The following CTNND2 variants were observed in gnomAD, a reference collection of about 807,000 sequenced individuals.
CTNND2 encodes catenin delta-2.
A neutral mutation model predicts 144.4 loss-of-function variants in CTNND2; 22 were observed. The ratio of observed to expected loss-of-function variants is 0.15; its 90% CI spans 0.11 to 0.22. The LOEUF is 0.22. CTNND2 is among the 10% of genes least tolerant of loss of function. The pLI is 1.00. For synonymous variants in CTNND2, 751 were observed against 695.6 expected (o/e 1.08, Z -1.25); for missense variants, 1,353 against 1,618.8 (o/e 0.84, Z 2.82).
At chr5:11,464,210 T>G (rs1408581856) in intron 3 of CTNND2, among the ~76,000 whole-genome samples, 1 of 152,174 alleles carries the variant, frequency 6.6e-6, no homozygotes, top group Non-Finnish European at 1.5e-5. Context: ...CCATTTGTAG[T>G]TGGGTGAGAC....
At chr5:11,197,900 T>C (rs16901394) in intron 11 of CTNND2, among the ~76,000 whole-genome samples, 9,052 of 152,264 alleles carry the variant, frequency 0.059, 356 homozygotes, top group Admixed American at 0.11. Context: ...TTGGAGCAAA[T>C]TCAAATTGTA....
chr5:11,726,255 C>G (rs746137004), intron 2 of CTNND2, among the ~76,000 whole-genome samples: 2 of 151,996 alleles, frequency 1.3e-5, no homozygotes, highest in Non-Finnish European at 2.9e-5. Flanking sequence ...TTAAATAATT[C>G]ACAGTGAATC....
intron 10 of CTNND2, among the ~76,000 whole-genome samples, chr5:11,212,442 G>C (rs1053662132): frequency 6.6e-6 from 1 of 152,210 alleles, no homozygotes; most frequent in South Asian, 2.1e-4. Flanking sequence ...GAGTGCAGTA[G>C]GTCCACGCTT....
At chr5:11,118,691 G>C (rs1388067929) in intron 12 of CTNND2, among the ~76,000 whole-genome samples, 1 of 152,210 alleles carries the variant, frequency 6.6e-6, no homozygotes, top group African/African-American at 2.4e-5. Flanking sequence ...CAGATCCCAA[G>C]GATCAGTAAG....
rs576805695 is a variant in CTNND2 at position 11,280,069 on chromosome 5, G to A, written c.1629-43246C>T. ...CCTGTTCACCTTACTTGCAATAAGA[G>A]TCAAAGCCCATACCCCAGCCACACT... On this transcript the variant is annotated intron_variant, in intron 9 of 21. Transcript: ENST00000304623. Among the ~76,000 whole-genome samples, 7 of 152,220 alleles carry A rather than the reference G, an allele frequency of 4.6e-5. No homozygotes were observed. The South Asian group carries it at 1.0e-3, about 23-fold the overall frequency.
intron 3 of CTNND2, among the ~76,000 whole-genome samples, chr5:11,419,823 C>A (rs1762224176): frequency 6.6e-6 from 1 of 152,172 alleles, no homozygotes; most frequent in Non-Finnish European, 1.5e-5. Context: ...TATGAACCTG[C>A]TCAAATATAC....
chr5:11,078,034 T>C (rs1296760173), intron 16 of CTNND2, among the ~76,000 whole-genome samples: 3 of 152,114 alleles, frequency 2.0e-5, no homozygotes, highest in East Asian at 1.9e-4. Context: ...GTGGAGAGGA[T>C]AGAGCAGACA....
chr5:11,627,563 A>C (rs573799845), intron 2 of CTNND2, among the ~76,000 whole-genome samples: 1 of 152,168 alleles, frequency 6.6e-6, no homozygotes, highest in South Asian at 2.1e-4. Flanking sequence ...GTAACAGTAG[A>C]TATAAATAGA....
chr5:11,829,045 T>C (rs538589524), intron 1 of CTNND2, among the ~76,000 whole-genome samples: 7 of 152,242 alleles, frequency 4.6e-5, no homozygotes, highest in Admixed American at 1.3e-4. Flanking sequence ...CCCTAGAGAT[T>C]TGTGGAACTT....
intron 11 of CTNND2, among the ~76,000 whole-genome samples, chr5:11,182,119 GT>G (rs1735116800): frequency 7.8e-6 from 1 of 128,344 alleles, no homozygotes. Flanking sequence ...TGTGTGTGGT[GT>G]GTGTGTGGAT....
At chr5:11,392,741 A>C (rs1291489621) in intron 6 of CTNND2, among the ~76,000 whole-genome samples, 1 of 152,244 alleles carries the variant, frequency 6.6e-6, no homozygotes, top group African/African-American at 2.4e-5. Context: ...CGGGCCAAGG[A>C]AAATATGTGA....
At chr5:11,108,855 A>T (rs1407047782) in intron 14 of CTNND2, among the ~76,000 whole-genome samples, 1 of 152,220 alleles carries the variant, frequency 6.6e-6, no homozygotes, top group East Asian at 1.9e-4. Flanking sequence ...ACACCATCAC[A>T]GGATCGTTGG....
chr5:11,566,974 T>C (rs1777161534), intron 2 of CTNND2, among the ~76,000 whole-genome samples: 2 of 152,220 alleles, frequency 1.3e-5, no homozygotes, highest in Admixed American at 1.3e-4. Flanking sequence ...GGTGCAGTTC[T>C]TTGGGTAAAG....
At position 11,094,972 on chromosome 5, in the gene CTNND2, G is replaced by T. The variant is rs140598447; in HGVS notation, c.2637+3603C>A. Reference sequence around the variant, plus strand: ...CGCTCTGGATATGTGGAATAACTGTGCTGAACTAATGCACAGATTTATTGT... The same window carrying T: ...CGCTCTGGATATGTGGAATAACTGTTCTGAACTAATGCACAGATTTATTGT... On this transcript the variant is annotated intron_variant, in intron 15 of 21. Transcript: ENST00000304623. Among the ~76,000 whole-genome samples the T allele has an allele frequency of 3.3e-3, 496 of 152,276 alleles. 2 individuals carry two copies. The highest frequency in any genetic ancestry group is 0.01 in the South Asian group (49 of 4,818).
chr5:11,168,940 C>T (rs1202823466), intron 11 of CTNND2, among the ~76,000 whole-genome samples: 3 of 152,126 alleles, frequency 2.0e-5, no homozygotes, highest in Admixed American at 6.5e-5. Flanking sequence ...TTAAACGATA[C>T]TGGGACAGAT....
At chr5:11,408,833 A>G (rs987679191) in intron 5 of CTNND2, among the ~76,000 whole-genome samples, 2 of 152,144 alleles carry the variant, frequency 1.3e-5, no homozygotes, top group African/African-American at 4.8e-5. Context: ...CAACTAAGAA[A>G]GCTCAGTACT....
At chr5:11,099,702 TAAAA>T (rs1312404253) in intron 14 of CTNND2, among the ~76,000 whole-genome samples, 4 of 152,126 alleles carry the variant, frequency 2.6e-5, no homozygotes, top group African/African-American at 7.2e-5. Context: ...CACTAAAAAT[TAAAA>T]TAATGATTCT....
chr5:11,067,274 C>T (rs1051329700), intron 16 of CTNND2, among the ~76,000 whole-genome samples: 4 of 152,186 alleles, frequency 2.6e-5, no homozygotes, highest in Non-Finnish European at 5.9e-5. Flanking sequence ...AAGTAGTTCA[C>T]CAAAATGCAG....
intron 1 of CTNND2, among the ~76,000 whole-genome samples, chr5:11,847,160 A>ATT (rs1472673249): frequency 7.6e-6 from 1 of 131,742 alleles, no homozygotes; most frequent in East Asian, 2.2e-4. Flanking sequence ...ATATATATAT[A>ATT]TATATATATA....
Sources: allele counts gnomAD v4.1 joint callset (sites outside exome capture counted in the v4.1 genomes callset), GRCh38; gene constraint gnomAD v4.1.1; transcripts MANE v1.5; gene names NCBI Gene and HGNC (gene_info 2026-07-23, HGNC 2026-07-21).